Variants in ATCAY observed in about 807,000 individuals in gnomAD.
ATCAY encodes the protein caytaxin.
ATCAY carries 22 observed loss-of-function variants against 47.7 expected under a neutral mutation model. That is an observed-to-expected ratio of 0.46 (90% CI 0.33 to 0.66). The LOEUF (loss-of-function observed/expected upper bound fraction) is 0.66, where lower values mean the gene tolerates loss of function less well. ATCAY is among the 30% of genes least tolerant of loss of function. The pLI, the probability that ATCAY is intolerant of heterozygous loss-of-function variation, is 0.02. For missense variants in ATCAY, 452 were observed against 515.0 expected (o/e 0.88, Z 1.18); for synonymous variants, 216 against 207.6 (o/e 1.04, Z -0.35).
chr19:3,921,096 C>T (rs145007195), intron 12 of ATCAY, among the ~76,000 whole-genome samples: 273 of 152,140 alleles, frequency 1.8e-3, no homozygotes, highest in African/African-American at 6.3e-3. Context: ...TGCAGTGGAG[C>T]GGCCCTCAGG....
At chr19:3,917,957 C>T (rs1050575200) in intron 10 of ATCAY, among the ~76,000 whole-genome samples, 180 bp downstream of exon 10, 2 of 152,124 alleles carry the variant, frequency 1.3e-5, no homozygotes, top group African/African-American at 2.4e-5. Context: ...TACTGGCTCC[C>T]GCATTGAGCT....
At chr19:3,903,645 T>C (rs927111021) in intron 3 of ATCAY, among the ~76,000 whole-genome samples, 13 of 151,948 alleles carry the variant, frequency 8.6e-5, no homozygotes, top group African/African-American at 3.1e-4. Context: ...TGCCTCAGCC[T>C]CCTGAGTAGC....
At position 3,907,768 on chromosome 19, in the gene ATCAY, C is replaced by T. The variant is rs779060682; in HGVS notation, c.393C>T (p.Pro131=). ...CCGTGGCCACCGCCAAGAACATGCC[C>T]GGGGACAGCGCGGATCTATTTGGGG... ...DTPVATAKNM[P]GDSADLFGDG... is the part of the protein sequence containing the mutation. The change falls in exon 5 of 13, where the codon CCC becomes CCT. Residue 131 remains proline (P), a synonymous_variant. Transcript: ENST00000450849. This position sits in a 1 kb window ranked among gnomAD's most constrained non-coding sequence, Gnocchi z 5.1. The T allele has an allele frequency of 7.0e-5, 113 of 1,614,010 alleles. No homozygotes were observed. The highest frequency in any genetic ancestry group is 3.3e-4 in the Middle Eastern group (2 of 6,062).
At chr19:3,894,595 C>T (rs1231622072) in intron 2 of ATCAY, among the ~76,000 whole-genome samples, 1 of 145,554 alleles carries the variant, frequency 6.9e-6, no homozygotes, top group Non-Finnish European at 1.5e-5. Context: ...TTGAGACCAG[C>T]CTGGGCAACA....
intron 3 of ATCAY, among the ~76,000 whole-genome samples, chr19:3,903,982 C>CAAAAAAAAA (rs59631453): frequency 1.8e-4 from 14 of 78,918 alleles, no homozygotes; most frequent in Admixed American, 4.0e-4. Context: ...ACTAAAGATA[C>CAAAAAAAAA]AAAAAAAAAA....
intron 4 of ATCAY, among the ~76,000 whole-genome samples, chr19:3,905,987 A>G (rs1390036554): frequency 6.6e-6 from 1 of 152,014 alleles, no homozygotes; most frequent in Non-Finnish European, 1.5e-5. Flanking sequence ...CCTGGCTGAC[A>G]CAGTGAAACC....
chr19:3,903,008 C>G (rs897003577), intron 3 of ATCAY, among the ~76,000 whole-genome samples: 1 of 152,152 alleles, frequency 6.6e-6, no homozygotes. Context: ...GGGTCACACT[C>G]TGTCATCCAG....
At chr19:3,882,019 G>A (rs1313075272) in intron 1 of ATCAY, among the ~76,000 whole-genome samples, 1 of 151,624 alleles carries the variant, frequency 6.6e-6, no homozygotes, top group Admixed American at 6.6e-5. Flanking sequence ...AGTTTTAGCC[G>A]TCCCCTCCCC....
Position 3,913,747 on chromosome 19 carries a change from C to T in ATCAY, c.867-11C>T, listed in dbSNP as rs2038941826. On this transcript the variant is annotated splice_polypyrimidine_tract_variant and intron_variant, in intron 8 of 12. Transcript: ENST00000450849. ...GCATTTCAGACCTCTCCCTCCTTCT[C>T]CCCCCGCCAGCGTCAAGTTCATCAA... 1 of 1,610,912 alleles carries T rather than the reference C, an allele frequency of 6.2e-7. No individual in the cohort carries two copies. The highest frequency in any genetic ancestry group is 1.3e-5 in the African/African-American group (1 of 74,816).
At chr19:3,885,133 A>AAC (rs1378905039) in intron 1 of ATCAY, among the ~76,000 whole-genome samples, 10 of 150,622 alleles carry the variant, frequency 6.6e-5, no homozygotes, top group Middle Eastern at 3.4e-3. Context: ...AAAAAAAAAA[A>AAC]AACAGCCAAG....
chr19:3,917,663 G>T, intron 9 of ATCAY, 79 bp from the exon 10 acceptor site: 1 of 1,433,766 alleles, frequency 7.0e-7, no homozygotes, highest in Non-Finnish European at 9.6e-7. Context: ...TTCTCTGCTT[G>T]AAAAGGAAAG....
rs111548883 is a variant in ATCAY, at chr19:3,888,113, CA to C, written c.77+2282del. Among the ~76,000 whole-genome samples the C allele has an allele frequency of 9.7e-4, 137 of 141,728 alleles. 1 individual carries two copies. Among genetic ancestry groups the C allele is most frequent in the Middle Eastern group, 3.5e-3 (1 of 284 alleles). 93.0% of individuals were successfully genotyped at this position (141,728 alleles called of 152,430 possible). A position where few individuals can be genotyped will look rare whatever the true frequency, so the allele number is the denominator to read the frequency against. Reference sequence around the variant, plus strand: ...CGGGTGACAGTGTGAGACTCCGTCTCAAAAAAAAAAAAATACTACATGGAAA... The same window carrying C: ...CGGGTGACAGTGTGAGACTCCGTCTCAAAAAAAAAAAATACTACATGGAAA... On this transcript the variant is annotated intron_variant, in intron 2 of 12. Coordinates refer to ENST00000450849, the MANE Select transcript of ATCAY (RefSeq NM_033064.5).
chr19:3,891,956 C>T (rs1005715630), intron 2 of ATCAY, among the ~76,000 whole-genome samples: 2 of 152,136 alleles, frequency 1.3e-5, no homozygotes, highest in African/African-American at 4.8e-5. Context: ...ATGACGTGAC[C>T]TCGGCTCGCT....
At position 3,889,768 on chromosome 19, in the gene ATCAY, T is replaced by C. The variant is rs558183357; in HGVS notation, c.77+3924T>C. ...CTCAGTGCCTCTGTTTTCTGATCTG[T>C]AAAATAGGACAATAATCTCTCGCGC... On this transcript the variant is annotated intron_variant, in intron 2 of 12. Coordinates refer to ENST00000450849, the MANE Select transcript of ATCAY (RefSeq NM_033064.5). Among the ~76,000 whole-genome samples the C allele has an allele frequency of 1.4e-4, 22 of 152,184 alleles. 1 individual carries two copies. Among genetic ancestry groups the C allele is most frequent in the African/African-American group, 5.3e-4 (22 of 41,528 alleles).
At chr19:3,910,465 G>T (rs2038913601) in intron 7 of ATCAY, among the ~76,000 whole-genome samples, 1 of 152,136 alleles carries the variant, frequency 6.6e-6, no homozygotes, top group African/African-American at 2.4e-5. Flanking sequence ...GTGGAGGGAG[G>T]CTCCAAGGAC....
At chr19:3,886,179 C>T (rs1010821700) in intron 2 of ATCAY, among the ~76,000 whole-genome samples, 9 of 152,152 alleles carry the variant, frequency 5.9e-5, no homozygotes, top group African/African-American at 9.7e-5. Flanking sequence ...CTGGGCGCGG[C>T]GGTTCACGCC....
chr19:3,910,549 A>T lies in ATCAY; in HGVS notation c.780-254A>T, dbSNP rs535879070. Among the ~76,000 whole-genome samples, 3 of 152,220 alleles carry T rather than the reference A, an allele frequency of 2.0e-5. No individual in the cohort carries two copies. The East Asian group carries it at 5.8e-4, about 29-fold the overall frequency. ...GCTCAAATAACTACCAACCTGGTTCACCTGCTCTGCACCATGGGGTCTCTA... is the reference window on the plus strand; with the variant it reads ...GCTCAAATAACTACCAACCTGGTTCTCCTGCTCTGCACCATGGGGTCTCTA... On this transcript the variant is annotated intron_variant, in intron 7 of 12. Transcript: ENST00000450849.
chr19:3,887,810 G>GAA (rs762559322), intron 2 of ATCAY, among the ~76,000 whole-genome samples: 5 of 119,492 alleles, frequency 4.2e-5, no homozygotes, highest in Non-Finnish European at 3.5e-5. Context: ...AAAAAGAGAG[G>GAA]AAAAAAAAAA....
chr19:3,887,485 T>A, intron 2 of ATCAY, among the ~76,000 whole-genome samples: 1 of 150,592 alleles, frequency 6.6e-6, no homozygotes, highest in South Asian at 2.1e-4. Context: ...TTTATTTTAT[T>A]TATTTATTTA....
Sources: gnomAD v4.1 joint callset for allele counts (sites outside exome capture counted in the v4.1 genomes callset) on GRCh38, gnomAD v4.1.1 for gene constraint, Gnocchi (gnomAD v3.1) non-coding constraint, MANE v1.5 for transcripts, NCBI Gene and HGNC (gene_info 2026-07-23, HGNC 2026-07-21) for gene names.